Variants in HNRNPUL2 observed in about 807,000 individuals in gnomAD.
HNRNPUL2 encodes heterogeneous nuclear ribonucleoprotein U like 2.
HNRNPUL2 carries 27 observed loss-of-function variants against 102.2 expected under a neutral mutation model. That is an observed-to-expected ratio of 0.26 (90% confidence interval 0.19 to 0.36). HNRNPUL2 has a LOEUF of 0.36. Ranked by LOEUF, HNRNPUL2 falls within the 10% of genes least tolerant of loss-of-function variation. The probability of loss-of-function intolerance (pLI) is 1.00; values close to 1 mark genes in which losing one functional copy is unlikely to be tolerated. For synonymous variants in HNRNPUL2, 458 were observed against 387.2 expected, an observed-to-expected ratio of 1.18 and a Z score of -2.15; for missense variants, 936 against 981.1, an observed-to-expected ratio of 0.95 and a Z score of 0.61.
intron 4 of HNRNPUL2, 112 bp from the exon 5 acceptor site, chr11:62,723,015 A>T: frequency 1.4e-6 from 1 of 731,116 alleles, no homozygotes; most frequent in Non-Finnish European, 2.3e-6. Context: ...ACCTCAACTC[A>T]ACATCAGAAT....
chr11:62,725,543 G>A (rs1487791831), intron 1 of HNRNPUL2, among the ~76,000 whole-genome samples: 2 of 152,170 alleles, frequency 1.3e-5, no homozygotes, highest in African/African-American at 2.4e-5. Context: ...ATATACATAA[G>A]TCAAAGGTTA....
chr11:62,715,408 G>C (rs1268320802), intron 13 of HNRNPUL2, 29 bp from the exon 14 acceptor site: 2 of 1,603,230 alleles, frequency 1.2e-6, no homozygotes, highest in Non-Finnish European at 1.7e-6. Context: ...CCATCACTTG[G>C]AGCCAGAGCT....
At chr11:62,726,449 G>C (rs1244184658) in intron 1 of HNRNPUL2, among the ~76,000 whole-genome samples, 170 bp downstream of exon 1, 1 of 152,224 alleles carries the variant, frequency 6.6e-6, no homozygotes, top group Admixed American at 6.5e-5. Context: ...GTAGGGCCAC[G>C]AGAGGCGGCC....
At position 62,717,248 on chromosome 11, in the gene HNRNPUL2, A is replaced by G. The variant is rs993750793; in HGVS notation, c.1781-59T>C. The G allele has an allele frequency of 2.3e-6, 3 of 1,303,724 alleles. No individual in the cohort carries two copies. In the African/African-American group the frequency reaches 4.4e-5, roughly 19 times the overall value. The allele number at this position is 1,303,724 out of a possible 1,614,324, so 80.8% of individuals were successfully genotyped here. On this transcript the variant is annotated intron_variant, in intron 10 of 13. Transcript: ENST00000301785. ...AAAGTGCATAGATGGGTAAGAACTC[A>G]TTATGAAAACTCTACAAGAAGCATA...
intron 4 of HNRNPUL2, 95 bp downstream of exon 4, chr11:62,723,492 A>T (rs1414370848): frequency 8.4e-7 from 1 of 1,196,428 alleles, no homozygotes; most frequent in Non-Finnish European, 1.1e-6. Context: ...ACTCCATCTC[A>T]AAAAAAAAGA....
intron 1 of HNRNPUL2, among the ~76,000 whole-genome samples, chr11:62,726,347 G>A (rs566963736): frequency 2.0e-5 from 3 of 152,280 alleles, no homozygotes; most frequent in Admixed American, 2.0e-4. Context: ...TGTTCCACAG[G>A]TAGCTCACAA....
intron 1 of HNRNPUL2, 28 bp downstream of exon 1, chr11:62,726,591 G>A: frequency 6.6e-7 from 1 of 1,506,324 alleles, no homozygotes; most frequent in Non-Finnish European, 8.8e-7. Context: ...CGGCAGGTTG[G>A]AGCCGGGCTC....
Position 62,722,395 on chromosome 11 carries a change from G to A in HNRNPUL2, c.1096-15C>T. ...GTCTCAAAATTCTACAATGACAAGG[G>A]ACAAGAGCACTTATTGGCTGACGAG... On this transcript the variant is annotated splice_polypyrimidine_tract_variant and intron_variant, in intron 6 of 13. Coordinates refer to ENST00000301785, the MANE Select transcript of HNRNPUL2 (RefSeq NM_001079559.3). The A allele has an allele frequency of 6.2e-7, 1 of 1,611,496 alleles. No homozygotes were observed. Among genetic ancestry groups the A allele is most frequent in the Non-Finnish European group, 8.5e-7 (1 of 1,178,612 alleles).
At chr11:62,718,924 C>A (rs1247012521) in intron 10 of HNRNPUL2, among the ~76,000 whole-genome samples, 1 of 151,532 alleles carries the variant, frequency 6.6e-6, no homozygotes, top group Non-Finnish European at 1.5e-5. Flanking sequence ...CACCTAGGTT[C>A]AAGCAATTCT....
At chr11:62,724,598 G>A (rs1354084152) in intron 1 of HNRNPUL2, among the ~76,000 whole-genome samples, 172 bp from the exon 2 acceptor site, 2 of 152,074 alleles carry the variant, frequency 1.3e-5, no homozygotes, top group Admixed American at 6.5e-5. Flanking sequence ...TCTGTCATTG[G>A]CTGTGATTTA....
Position 62,719,563 on chromosome 11 carries a change from T to C in HNRNPUL2, c.1780+460A>G, listed in dbSNP as rs118007487. Among the ~76,000 whole-genome samples the C allele has an allele frequency of 1.8e-4, 27 of 152,332 alleles. No individual in the cohort carries two copies. The East Asian group carries it at 5.0e-3, about 28-fold the overall frequency. Reference sequence around the variant, plus strand: ...CATTAAGTTCCTCTTCAGATTTACATTTTAGATGTAGAGTGTCACTCCAGT... The same window carrying C: ...CATTAAGTTCCTCTTCAGATTTACACTTTAGATGTAGAGTGTCACTCCAGT... On this transcript the variant is annotated intron_variant, in intron 10 of 13. Transcript: ENST00000301785.
rs1565159207 is a variant in HNRNPUL2, at chr11:62,715,574, C to T, written c.2089G>A (p.Asp697Asn). 2 of 1,612,910 alleles carry T rather than the reference C, an allele frequency of 1.2e-6. No homozygotes were observed. Among genetic ancestry groups the T allele is most frequent in the East Asian group, 2.2e-5 (1 of 44,858 alleles). The change falls in exon 13 of 14, where the codon GAC becomes AAC. Residue 697 changes from aspartate (D) to asparagine (N), a missense_variant. Asp to Asn is a conservative substitution (Grantham distance 23, BLOSUM62 1). This residue lies in a region of HNRNPUL2 where 609 missense variants were observed against 713.0 expected (regional missense o/e 0.85). Coordinates refer to ENST00000301785, the MANE Select transcript of HNRNPUL2 (RefSeq NM_001079559.3). ...YRNFYDRYRG[D>N]YDRFYGRDYE... ...TCTCGCCCGTAAAATCGATCATAGT[C>T]TCCCCTGTATCGATCATAGAAATTA...
At chr11:62,720,983 T>C (rs1327274827) in intron 9 of HNRNPUL2, among the ~76,000 whole-genome samples, 1 of 152,134 alleles carries the variant, frequency 6.6e-6, no homozygotes, top group African/African-American at 2.4e-5. Context: ...TTATCCTGTT[T>C]TGCTCATCAG....
chr11:62,717,788 A>G (rs981609216), intron 10 of HNRNPUL2, among the ~76,000 whole-genome samples: 2 of 152,192 alleles, frequency 1.3e-5, no homozygotes, highest in Admixed American at 6.5e-5. Context: ...TCGCTGACAG[A>G]AGAGAGACTC....
At chr11:62,721,203 CA>C in intron 9 of HNRNPUL2, 91 bp downstream of exon 9, 1 of 1,196,614 alleles carries the variant, frequency 8.4e-7, no homozygotes, top group Non-Finnish European at 1.2e-6. Flanking sequence ...ACCAGATGGT[CA>C]TAATTAGGTA....
chr11:62,724,540 G>A (rs2083729026), intron 1 of HNRNPUL2, 114 bp from the exon 2 acceptor site: 9 of 1,123,676 alleles, frequency 8.0e-6, no homozygotes, highest in Admixed American at 2.1e-5. Context: ...AAACAGCCAG[G>A]TTATTCCCAC....
chr11:62,716,905 T>C (rs922307002), intron 11 of HNRNPUL2, 84 bp downstream of exon 11: 2 of 1,449,618 alleles, frequency 1.4e-6, no homozygotes, highest in African/African-American at 2.8e-5. Flanking sequence ...TGACTTGGTT[T>C]CCTTGGCCTT....
Position 62,722,595 on chromosome 11 carries a change from A to G in HNRNPUL2, c.1095+6T>C, listed in dbSNP as rs376332622. The G allele has an allele frequency of 6.8e-6, 11 of 1,606,330 alleles. No homozygotes were observed. The highest frequency in any genetic ancestry group is 1.1e-5 in the South Asian group (1 of 90,952). On this transcript the variant is annotated splice_donor_region_variant and intron_variant, in intron 6 of 13. Coordinates refer to ENST00000301785, the MANE Select transcript of HNRNPUL2 (RefSeq NM_001079559.3). ...GTTATAACCCACAACTTTCAGGAGCACTTACAGCAAAGCAGCCAATAACAT... is the reference window on the plus strand; with the variant it reads ...GTTATAACCCACAACTTTCAGGAGCGCTTACAGCAAAGCAGCCAATAACAT...
chr11:62,717,681 C>T (rs1007245219), intron 10 of HNRNPUL2, among the ~76,000 whole-genome samples: 5 of 152,100 alleles, frequency 3.3e-5, no homozygotes, highest in Admixed American at 2.0e-4. Flanking sequence ...CATGGTGAAA[C>T]CCTGTCTCTA....
Sources: gnomAD v4.1 joint callset for allele counts (sites outside exome capture counted in the v4.1 genomes callset) on GRCh38, gnomAD v4.1.1 for gene constraint, gnomAD v4.1.1 regional missense constraint, MANE v1.5 for transcripts, NCBI Gene and HGNC (gene_info 2026-07-23, HGNC 2026-07-21) for gene names.